The following UXS1 variants were observed in gnomAD, a reference collection of about 807,000 sequenced individuals.
UXS1 encodes the protein UDP-glucuronate decarboxylase 1, also known as UDP-glucuronic acid decarboxylase 1.
A neutral mutation model predicts 62.6 loss-of-function variants in UXS1; 33 were observed. The ratio of observed to expected loss-of-function variants is 0.53; its 90% CI spans 0.40 to 0.70. The LOEUF is 0.70. Ranked by LOEUF, UXS1 falls within the 30% of genes least tolerant of loss-of-function variation. The probability of loss-of-function intolerance (pLI) is 0.00; values close to 1 mark genes in which losing one functional copy is unlikely to be tolerated. For synonymous variants in UXS1, 213 were observed against 206.8 expected (o/e 1.03, Z -0.26); for missense variants, 434 against 556.3 (o/e 0.78, Z 2.21).
intron 10 of UXS1, 59 bp from the exon 11 acceptor site, chr2:106,104,896 TCCTTGAAACTCCAGGGGACACAGTCCGA>T: frequency 6.2e-7 from 1 of 1,605,442 alleles, no homozygotes; most frequent in Non-Finnish European, 8.5e-7. Context: ...TGCGTAGGTG[TCCTTGAAACTCCAGGGGACACAGTCCGA>T]CCTTGAAACT....
intron 14 of UXS1, 30 bp downstream of exon 14, chr2:106,096,688 C>A: frequency 1.3e-6 from 2 of 1,529,650 alleles, no homozygotes. Context: ...GGCCCCTCCC[C>A]ACAAGGCAGC....
At chr2:106,123,228 A>G in intron 8 of UXS1, 137 bp from the exon 9 acceptor site, 1 of 1,218,918 alleles carries the variant, frequency 8.2e-7, no homozygotes, top group South Asian at 1.6e-5. Flanking sequence ...AGGCAACCTC[A>G]GGTTTCCAGT....
intron 9 of UXS1, among the ~76,000 whole-genome samples, chr2:106,115,651 G>A (rs925506245): frequency 1.4e-4 from 21 of 152,142 alleles, no homozygotes; most frequent in African/African-American, 5.1e-4. Context: ...ATGCCTGGAT[G>A]GCCTCGTCTC....
intron 4 of UXS1, among the ~76,000 whole-genome samples, chr2:106,161,117 T>G (rs1314618199): frequency 8.9e-6 from 1 of 112,920 alleles, no homozygotes; most frequent in African/African-American, 3.3e-5. Flanking sequence ...CTGGGCCACA[T>G]GCTGAGCCAG....
intron 1 of UXS1, among the ~76,000 whole-genome samples, chr2:106,178,529 T>C (rs972345246): frequency 6.7e-4 from 102 of 151,890 alleles, no homozygotes; most frequent in African/African-American, 2.3e-3. Flanking sequence ...TCTATGTATA[T>C]GTATGTGTCT....
chr2:106,143,342 G>A (rs1335724365), intron 6 of UXS1, among the ~76,000 whole-genome samples: 1 of 131,922 alleles, frequency 7.6e-6, no homozygotes, highest in East Asian at 2.3e-4. Context: ...CCGGGAGGCA[G>A]AGCTTGCAAT....
At chr2:106,170,126 C>T (rs567196273) in intron 1 of UXS1, among the ~76,000 whole-genome samples, 2 of 152,112 alleles carry the variant, frequency 1.3e-5, no homozygotes, top group South Asian at 2.1e-4. Flanking sequence ...CAGACCTCCA[C>T]GCTTCGCCAC....
intron 4 of UXS1, among the ~76,000 whole-genome samples, chr2:106,159,730 G>C (rs1682739082): frequency 6.6e-6 from 1 of 152,182 alleles, no homozygotes; most frequent in African/African-American, 2.4e-5. Context: ...ACAGCACTAG[G>C]ATACAGAATG....
chr2:106,138,427 A>G, intron 6 of UXS1: 3 of 985,396 alleles, frequency 3.0e-6, no homozygotes, highest in Non-Finnish European at 3.6e-6. Flanking sequence ...TGGACTCTAG[A>G]GGGAGGGGAG....
chr2:106,095,403 G>A lies in UXS1; in HGVS notation c.1147-1246C>T, dbSNP rs995893614. Among the ~76,000 whole-genome samples the A allele has an allele frequency of 5.9e-5, 9 of 152,184 alleles. No individual in the cohort carries two copies. The East Asian group carries it at 7.7e-4, about 13-fold the overall frequency. The stretch of plus-strand genomic sequence containing the variant: ...ATTTCTGCAGTTTTTAGCAGATTAC[G>A]TAGACTTGTACATGACAGAATGAAA... On this transcript the variant is annotated intron_variant, in intron 14 of 14. Coordinates refer to ENST00000283148, the MANE Select transcript of UXS1 (RefSeq NM_001253875.2).
chr2:106,186,455 TATAC>T (rs1398655840), intron 1 of UXS1, among the ~76,000 whole-genome samples: 31 of 141,334 alleles, frequency 2.2e-4, no homozygotes, highest in Admixed American at 1.7e-3. Flanking sequence ...TATATATATA[TATAC>T]ACACACACAC....
At chr2:106,125,572 C>A in intron 8 of UXS1, 48 bp downstream of exon 8, 1 of 1,493,730 alleles carries the variant, frequency 6.7e-7, no homozygotes, top group Non-Finnish European at 9.0e-7. Flanking sequence ...AGGATGAAAA[C>A]AGTCCAAGGG....
Position 106,156,622 on chromosome 2 carries a change from T to G in UXS1, c.291+1436A>C, listed in dbSNP as rs562002788. Among the ~76,000 whole-genome samples the G allele has an allele frequency of 2.0e-5, 3 of 152,310 alleles. No individual in the cohort carries two copies. In the South Asian group the frequency reaches 6.2e-4, roughly 32 times the overall value. On this transcript the variant is annotated intron_variant, in intron 5 of 14. Transcript: ENST00000283148. The stretch of plus-strand genomic sequence containing the variant: ...TGCTCAGGTTCCGCATATAAAATAG[T>G]GTAGTATTTGCATATAACCCACACA...
chr2:106,101,314 G>T, intron 11 of UXS1, 196 bp from the exon 12 acceptor site: 1 of 582,488 alleles, frequency 1.7e-6, no homozygotes, highest in Non-Finnish European at 3.0e-6. Flanking sequence ...TGGATGAAAT[G>T]ATATATTTGA....
chr2:106,099,834 T>G lies in UXS1; in HGVS notation c.985-1061A>C, dbSNP rs115979761. Among the ~76,000 whole-genome samples, 427 of 152,296 alleles carry G rather than the reference T, an allele frequency of 2.8e-3. 2 individuals carry two copies. Among genetic ancestry groups the G allele is most frequent in the African/African-American group, 9.6e-3 (401 of 41,560 alleles). On this transcript the variant is annotated intron_variant, in intron 12 of 14. Transcript: ENST00000283148. ...CGTTCTGGTCTGTTTTAAGTGAATT[T>G]TTTTCAAAAGTGGCACACTGTACCC...
chr2:106,112,733 G>A lies in UXS1; in HGVS notation c.792C>T (p.Phe264=). The A allele has an allele frequency of 1.9e-6, 3 of 1,614,002 alleles. No individual in the cohort carries two copies. Among genetic ancestry groups the A allele is most frequent in the Non-Finnish European group, 2.5e-6 (3 of 1,179,900 alleles). Residue 264 remains phenylalanine (F), a synonymous_variant, in exon 10 of 15, where the codon TTC becomes TTT. Transcript: ENST00000283148. The stretch of plus-strand genomic sequence containing the variant: ...TGTGCATGCGTGGCCCAAAGGTGTT[G>A]AAGATTCTGGCCACTCGCACTTCCA... ...EGVEVRVARI[F]NTFGPRMHMN... is the part of the protein sequence containing the mutation.
At chr2:106,150,528 C>G (rs1186540439) in intron 5 of UXS1, among the ~76,000 whole-genome samples, 1 of 152,232 alleles carries the variant, frequency 6.6e-6, no homozygotes, top group Non-Finnish European at 1.5e-5. Flanking sequence ...AGCTGTGGCT[C>G]CGGCCAGTCC....
At chr2:106,171,299 T>C (rs1047221739) in intron 1 of UXS1, among the ~76,000 whole-genome samples, 1 of 6,008 alleles carries the variant, frequency 1.7e-4, no homozygotes, top group Non-Finnish European at 4.0e-3. Context: ...AACCCAACAC[T>C]TTCATAATCT....
chr2:106,110,518 G>C (rs757637617), intron 10 of UXS1, among the ~76,000 whole-genome samples: 1 of 152,198 alleles, frequency 6.6e-6, no homozygotes, highest in African/African-American at 2.4e-5. Context: ...GGCTGTCCTC[G>C]AGATGTGGAA....
Sources: allele counts gnomAD v4.1 joint callset (sites outside exome capture counted in the v4.1 genomes callset), GRCh38; gene constraint gnomAD v4.1.1; transcripts MANE v1.5; gene names NCBI Gene and HGNC (gene_info 2026-07-23, HGNC 2026-07-21).